Variants in VWF observed in about 807,000 individuals in gnomAD.
VWF encodes the protein Factor VIII related antigen.
In VWF, 176 loss-of-function variants were observed where a neutral mutation model predicts 308.6. That is an observed-to-expected ratio of 0.57 (90% CI 0.50 to 0.65). The LOEUF (loss-of-function observed/expected upper bound fraction) is 0.65. VWF is among the 30% of genes least tolerant of loss of function. The probability of loss-of-function intolerance (pLI) is 0.00; values close to 1 mark genes in which losing one functional copy is unlikely to be tolerated. For missense variants in VWF, 3,146 were observed against 3,648.2 expected (o/e 0.86, Z 3.55); for synonymous variants, 1,385 against 1,443.4 (o/e 0.96, Z 0.92).
intron 42 of VWF, among the ~76,000 whole-genome samples, chr12:5,978,850 G>A (rs1488234514): frequency 1.3e-5 from 2 of 152,160 alleles, no homozygotes; most frequent in Non-Finnish European, 1.5e-5. Flanking sequence ...AAGGTAGGGG[G>A]ACTTTTGTCA....
In VWF at chr12:6,075,576, C is replaced by G. The variant is rs773845923; in HGVS notation, c.658-25G>C. On this transcript the variant is annotated intron_variant, in intron 6 of 51. Transcript: ENST00000261405. This position sits in a 1 kb window ranked among gnomAD's most constrained non-coding sequence, Gnocchi z 4.7. The stretch of plus-strand genomic sequence containing the variant: ...CCTGCAGGAAGAGGGGCCGCCTCAG[C>G]GGTATGCTCCGTTAGTGTCTCCCTG... 6.2e-7 allele frequency: 1 copy of G among 1,603,232 alleles called. No homozygotes were observed. The highest frequency in any genetic ancestry group is 1.7e-5 in the Admixed American group (1 of 58,158).
intron 10 of VWF, among the ~76,000 whole-genome samples, chr12:6,065,493 T>C (rs913265034): frequency 6.6e-6 from 1 of 152,236 alleles, no homozygotes; most frequent in East Asian, 1.9e-4. Flanking sequence ...GGCCTCATTT[T>C]ACAGATGGGG....
intron 47 of VWF, among the ~76,000 whole-genome samples, chr12:5,955,906 T>C (rs951897204): frequency 1.3e-5 from 2 of 152,082 alleles, no homozygotes; most frequent in African/African-American, 2.4e-5. Context: ...GACAGATCAA[T>C]AGAAATTACC....
intron 6 of VWF, among the ~76,000 whole-genome samples, chr12:6,081,340 TTTTG>T (rs1944908388): frequency 2.0e-5 from 3 of 149,554 alleles, no homozygotes; most frequent in Admixed American, 6.6e-5. Flanking sequence ...GTGTTTTTTG[TTTTG>T]TTTTGTTTTG....
chr12:6,036,366 G>A (rs201810433), intron 19 of VWF, 22 bp downstream of exon 19: 152 of 1,609,348 alleles, frequency 9.4e-5, no homozygotes, highest in South Asian at 3.6e-4. Flanking sequence ...GGTCCCCGGC[G>A]CAGCCCCTCA....
intron 16 of VWF, 104 bp downstream of exon 16, chr12:6,052,439 T>C: frequency 6.4e-7 from 1 of 1,571,354 alleles, no homozygotes; most frequent in Non-Finnish European, 8.7e-7. Flanking sequence ...ACTTCCTTCC[T>C]TGGGCCCCAG....
At chr12:6,109,662 T>A (rs886722745) in intron 5 of VWF, among the ~76,000 whole-genome samples, 1 of 152,248 alleles carries the variant, frequency 6.6e-6, no homozygotes, top group Non-Finnish European at 1.5e-5. Flanking sequence ...TGTTTTCTTT[T>A]TTTTTTGAGA....
chr12:6,029,580 C>G, intron 21 of VWF, 92 bp from the exon 22 acceptor site: 1 of 1,542,980 alleles, frequency 6.5e-7, no homozygotes, highest in Non-Finnish European at 8.8e-7. Flanking sequence ...CATCTGTCTT[C>G]AGTGCCCACG....
chr12:6,103,450 A>ACG (rs1945201351), intron 5 of VWF, among the ~76,000 whole-genome samples: 2 of 87,274 alleles, frequency 2.3e-5, no homozygotes, highest in Non-Finnish European at 4.5e-5. Flanking sequence ...ATACATACAC[A>ACG]TATATGTGTA....
At chr12:6,087,642 G>A (rs1944988349) in intron 6 of VWF, among the ~76,000 whole-genome samples, 1 of 151,774 alleles carries the variant, frequency 6.6e-6, no homozygotes, top group Admixed American at 6.6e-5. Context: ...CGGGATTACA[G>A]GCTGAGCCCC....
chr12:6,115,852 CA>C (rs1171647322), intron 3 of VWF, among the ~76,000 whole-genome samples: 2 of 152,308 alleles, frequency 1.3e-5, no homozygotes, highest in East Asian at 1.9e-4. Context: ...AAAATGTCCT[CA>C]GGGGGAAAAC....
intron 18 of VWF, among the ~76,000 whole-genome samples, chr12:6,042,105 G>A (rs946436072): frequency 6.6e-6 from 1 of 152,190 alleles, no homozygotes; most frequent in Non-Finnish European, 1.5e-5. Context: ...CTGGGCTTCC[G>A]GTAAAGACTG....
At chr12:6,064,112 C>A in intron 12 of VWF, 134 bp downstream of exon 12, 1 of 1,463,346 alleles carries the variant, frequency 6.8e-7, no homozygotes, top group Admixed American at 1.8e-5. Context: ...CCCTGCCCTC[C>A]AAAAATAACT....
chr12:6,037,426 C>T (rs977868069), intron 18 of VWF, among the ~76,000 whole-genome samples: 4 of 152,276 alleles, frequency 2.6e-5, no homozygotes, highest in African/African-American at 9.6e-5. Flanking sequence ...TCCCGTATCC[C>T]GGTTCACTCT....
chr12:5,968,136 A>G lies in VWF; in HGVS notation c.7761T>C (p.Thr2587=), dbSNP rs367671063. The change falls in exon 46 of 52, where the codon ACT becomes ACC. Residue 2587 remains threonine (T), a synonymous_variant. Transcript: ENST00000261405. The part of the protein sequence containing the change: ...ERMEACMLNG[T]VIGPGKTVMI... ...GAGGACAGCGGCTCACCCCAATGAC[A>G]GTGCCATTGAGCATGCAGGCCTCCA... is the stretch of plus-strand genomic sequence containing the variant. 3.1e-6 allele frequency: 5 copies of G among 1,613,952 alleles called. No individual in the cohort carries two copies. Among genetic ancestry groups the G allele is most frequent in the Non-Finnish European group, 4.2e-6 (5 of 1,179,996 alleles).
intron 34 of VWF, among the ~76,000 whole-genome samples, chr12:6,005,148 G>A (rs1176609214): frequency 6.6e-6 from 1 of 152,142 alleles, no homozygotes; most frequent in Non-Finnish European, 1.5e-5. Context: ...AGGTACTAGT[G>A]CTACCAGACA....
chr12:6,077,134 A>G (rs1047841150), intron 6 of VWF, among the ~76,000 whole-genome samples: 1 of 152,138 alleles, frequency 6.6e-6, no homozygotes, highest in South Asian at 2.1e-4. Flanking sequence ...ATATGGTGAG[A>G]CCCCATCTCT....
intron 41 of VWF, 91 bp downstream of exon 41, chr12:5,983,059 G>T: frequency 2.3e-6 from 3 of 1,290,144 alleles, no homozygotes; most frequent in South Asian, 1.3e-5. Flanking sequence ...AGGAAATGAC[G>T]TGATCTTGGA....
At chr12:6,106,939 A>C (rs1591922137) in intron 5 of VWF, among the ~76,000 whole-genome samples, 1 of 152,252 alleles carries the variant, frequency 6.6e-6, no homozygotes, top group South Asian at 2.1e-4. Context: ...AGCACAATAA[A>C]AAATGCGGCG....
Sources: gnomAD v4.1 joint callset for allele counts (sites outside exome capture counted in the v4.1 genomes callset) on GRCh38, gnomAD v4.1.1 for gene constraint, Gnocchi (gnomAD v3.1) non-coding constraint, MANE v1.5 for transcripts, NCBI Gene and HGNC (gene_info 2026-07-23, HGNC 2026-07-21) for gene names.